TNFRSF6B: variants seen among roughly 807,000 people sequenced by gnomAD.
The protein encoded by TNFRSF6B is TNF receptor superfamily member 6b, also known as tumor necrosis factor receptor superfamily member 6B.
In TNFRSF6B, 23 loss-of-function variants were observed where a neutral mutation model predicts 17.9. That is an observed-to-expected ratio of 1.28 (90% confidence interval 0.92 to 1.82). The LOEUF (loss-of-function observed/expected upper bound fraction) is 1.82. Among genes scored for constraint, TNFRSF6B ranks in the 40% most tolerant of loss-of-function variants. The pLI, the probability that TNFRSF6B is intolerant of heterozygous loss-of-function variation, is 0.00. For synonymous variants in TNFRSF6B, 291 were observed against 195.8 expected (o/e 1.49, Z -4.06); for missense variants, 555 against 437.2 (o/e 1.27, Z -2.40).
Position 63,696,931 on chromosome 20 carries a change from G to T in TNFRSF6B, c.164G>T (p.Gly55Val). ...CTGGTGTGCGCCCAGTGCCCCCCAG[G>T]CACCTTTGTGCAGCGGCCGTGCCGC... ...ERLVCAQCPP[G>V]TFVQRPCRRD... The change falls in exon 1 of 3, where the codon GGC becomes GTC. Residue 55 changes from glycine (G) to valine (V), a missense_variant. Coordinates refer to ENST00000369996, the MANE Select transcript of TNFRSF6B (RefSeq NM_003823.4). 1.2e-6 allele frequency: 2 copies of T among 1,609,892 alleles called. No individual in the cohort carries two copies. The highest frequency in any genetic ancestry group is 2.7e-5 in the African/African-American group (2 of 75,002).
At position 63,698,130 on chromosome 20, in the gene TNFRSF6B, T is replaced by C. The variant is rs573295418; in HGVS notation, c.620-150T>C. Reference sequence around the variant, plus strand: ...CTGCCCCTTCTCCAGTCCCCATCGTTGCACTGCCCTCTCCAGCACGGCTCA... The same window carrying C: ...CTGCCCCTTCTCCAGTCCCCATCGTCGCACTGCCCTCTCCAGCACGGCTCA... On this transcript the variant is annotated intron_variant, in intron 2 of 2. Transcript: ENST00000369996. The C allele has an allele frequency of 9.7e-6, 10 of 1,026,008 alleles. No homozygotes were observed. In the Admixed American group the frequency reaches 2.3e-4, roughly 23 times the overall value. 63.6% of individuals were successfully genotyped at this position (1,026,008 alleles called of 1,614,324 possible).
chr20:63,698,139 C>A, intron 2 of TNFRSF6B, 141 bp from the exon 3 acceptor site: 1 of 1,122,816 alleles, frequency 8.9e-7, no homozygotes, highest in South Asian at 1.7e-5. Flanking sequence ...TTGCACTGCC[C>A]TCTCCAGCAC....
Position 63,696,665 on chromosome 20 carries a change from C to G in TNFRSF6B, c.-103C>G. The G allele has an allele frequency of 7.5e-7, 1 of 1,327,804 alleles. No homozygotes were observed. Among genetic ancestry groups the G allele is most frequent in the Non-Finnish European group, 1.0e-6 (1 of 1,000,972 alleles). 82.3% of individuals were successfully genotyped at this position (1,327,804 alleles called of 1,614,324 possible). A position where few individuals can be genotyped will look rare whatever the true frequency, so the allele number is the denominator to read the frequency against. On this transcript the variant is annotated 5_prime_UTR_variant, in exon 1 of 3. Coordinates refer to ENST00000369996, the MANE Select transcript of TNFRSF6B (RefSeq NM_003823.4). Reference sequence around the variant, plus strand: ...GGATGGGCTTCTGGACTTGGGCGGCCCCTCCGCAGGCGGACCGGGGGCAAA... The same window carrying G: ...GGATGGGCTTCTGGACTTGGGCGGCGCCTCCGCAGGCGGACCGGGGGCAAA...
chr20:63,697,276 CCT>C (rs1392904387), intron 1 of TNFRSF6B, 50 bp from the exon 2 acceptor site: 17 of 1,573,074 alleles, frequency 1.1e-5, no homozygotes, highest in South Asian at 6.9e-5. Flanking sequence ...AGCCTTGCAC[CCT>C]GAGCTAGGAC....
rs2091011287 is a variant in TNFRSF6B at position 63,697,644 on chromosome 20, G to A, written c.619+122G>A. 3.7e-6 allele frequency: 4 copies of A among 1,086,108 alleles called. No individual in the cohort carries two copies. In the South Asian group the frequency reaches 5.2e-5, roughly 14 times the overall value. The allele number at this position is 1,086,108 out of a possible 1,614,324, so 67.3% of individuals were successfully genotyped here. A position where few individuals can be genotyped will look rare whatever the true frequency, so the allele number is the denominator to read the frequency against. On this transcript the variant is annotated intron_variant, in intron 2 of 2. Coordinates refer to ENST00000369996, the MANE Select transcript of TNFRSF6B (RefSeq NM_003823.4). ...GCTGGCTCTGGGAAGGGGCCACAGT[G>A]GATTTGAGGGGTCAGGGGTCCCTCC...
intron 2 of TNFRSF6B, 31 bp downstream of exon 2, chr20:63,697,553 T>A (rs763784693): frequency 6.3e-5 from 95 of 1,515,820 alleles, no homozygotes; most frequent in Middle Eastern, 5.4e-4. Flanking sequence ...GGCAGCACAC[T>A]GCAGGCCAGG....
Position 63,696,699 on chromosome 20 carries a change from C to T in TNFRSF6B, c.-69C>T. On this transcript the variant is annotated 5_prime_UTR_variant, in exon 1 of 3. Coordinates refer to ENST00000369996, the MANE Select transcript of TNFRSF6B (RefSeq NM_003823.4). Reference sequence around the variant, plus strand: ...GGCGGACCGGGGGCAAAGGAGGTGGCATGTCGGTCAGGCACAGCAGGGTCC... The same window carrying T: ...GGCGGACCGGGGGCAAAGGAGGTGGTATGTCGGTCAGGCACAGCAGGGTCC... The T allele has an allele frequency of 7.0e-7, 1 of 1,432,232 alleles. No individual in the cohort carries two copies. The highest frequency in any genetic ancestry group is 9.2e-7 in the Non-Finnish European group (1 of 1,090,294). The allele number at this position is 1,432,232 out of a possible 1,614,324, so 88.7% of individuals were successfully genotyped here.
rs1177125237 is a variant in TNFRSF6B, at chr20:63,696,657, T to G, written c.-111T>G. On this transcript the variant is annotated 5_prime_UTR_variant, in exon 1 of 3. Coordinates refer to ENST00000369996, the MANE Select transcript of TNFRSF6B (RefSeq NM_003823.4). ...CAGCAGCAGGATGGGCTTCTGGACTTGGGCGGCCCCTCCGCAGGCGGACCG... is the reference window on the plus strand; with the variant it reads ...CAGCAGCAGGATGGGCTTCTGGACTGGGGCGGCCCCTCCGCAGGCGGACCG... The G allele has an allele frequency of 1.5e-5, 19 of 1,251,688 alleles. No homozygotes were observed. The East Asian group carries it at 4.4e-4, about 29-fold the overall frequency. The allele number at this position is 1,251,688 out of a possible 1,614,324, so 77.5% of individuals were successfully genotyped here.
rs755722188 is a variant in TNFRSF6B at position 63,697,436 on chromosome 20, G to A, written c.533G>A (p.Gly178Asp). The part of the protein sequence containing the change: ...CQPHRNCTAL[G>D]LALNVPGSSS... ...CCCCACCGCAACTGCACGGCCCTGG[G>A]CCTGGCCCTCAATGTGCCAGGCTCT... Residue 178 changes from glycine (G) to aspartate (D), a missense_variant, in exon 2 of 3, where the codon GGC becomes GAC. Transcript: ENST00000369996. The A allele has an allele frequency of 3.7e-6, 6 of 1,605,252 alleles. No individual in the cohort carries two copies. The highest frequency in any genetic ancestry group is 5.1e-6 in the Non-Finnish European group (6 of 1,176,796).
chr20:63,698,683 A>C lies in TNFRSF6B; in HGVS notation c.*120A>C. The C allele has an allele frequency of 1.6e-6, 2 of 1,239,884 alleles. No individual in the cohort carries two copies. The highest frequency in any genetic ancestry group is 1.1e-6 in the Non-Finnish European group (1 of 950,420). 76.8% of individuals were successfully genotyped at this position (1,239,884 alleles called of 1,614,324 possible). On this transcript the variant is annotated 3_prime_UTR_variant, in exon 3 of 3. Transcript: ENST00000369996. The stretch of plus-strand genomic sequence containing the variant: ...TTATTTTTATAAAGCTTTTTCATAA[A>C]ACTGGTTGTAGTTGCACAGCTACTG...
chr20:63,697,218 C>T, intron 1 of TNFRSF6B, 27 bp downstream of exon 1: 1 of 1,552,108 alleles, frequency 6.4e-7, no homozygotes, highest in Non-Finnish European at 8.7e-7. Context: ...GGGAGGGGCC[C>T]CCAGGAGTGG....
rs774356310 is a variant in TNFRSF6B, at chr20:63,696,741, C to T, written c.-27C>T. On this transcript the variant is annotated 5_prime_UTR_variant, in exon 1 of 3. Transcript: ENST00000369996. ...GCAGGGTCCTGTGTCCGCGCTGAGC[C>T]GCGCTCTCCCTGCTCCAGCAAGGAC... The T allele has an allele frequency of 2.3e-5, 35 of 1,529,670 alleles. No homozygotes were observed. The highest frequency in any genetic ancestry group is 4.7e-5 in the East Asian group (2 of 42,998). 94.8% of individuals were successfully genotyped at this position (1,529,670 alleles called of 1,614,324 possible). A position where few individuals can be genotyped will look rare whatever the true frequency, so the allele number is the denominator to read the frequency against.
chr20:63,698,446 G>A lies in TNFRSF6B; in HGVS notation c.786G>A (p.Thr262=), dbSNP rs751848480. 39 of 1,566,436 alleles carry A rather than the reference G, an allele frequency of 2.5e-5. No individual in the cohort carries two copies. Among genetic ancestry groups the A allele is most frequent in the East Asian group, 1.4e-4 (6 of 42,938 alleles). ...ALQLKLRRRL[T]ELLGAQDGAL... The stretch of plus-strand genomic sequence containing the variant: ...AGCTGAAGCTGCGTCGGCGGCTCAC[G>A]GAGCTCCTGGGGGCGCAGGACGGGG... Residue 262 remains threonine, a synonymous_variant, in exon 3 of 3, where the codon ACG becomes ACA. Coordinates refer to ENST00000369996, the MANE Select transcript of TNFRSF6B (RefSeq NM_003823.4).
chr20:63,697,506 C>T lies in TNFRSF6B; in HGVS notation c.603C>T (p.Leu201=). The T allele has an allele frequency of 1.9e-6, 3 of 1,552,514 alleles. No homozygotes were observed. Among genetic ancestry groups the T allele is most frequent in the East Asian group, 2.4e-5 (1 of 41,226 alleles). ...TLCTSCTGFP[L]STRVPGAEEC... Reference sequence around the variant, plus strand: ...GCACCAGCTGCACTGGCTTCCCCCTCAGCACCAGGGTACCAGGTGAGCCAG... The same window carrying T: ...GCACCAGCTGCACTGGCTTCCCCCTTAGCACCAGGGTACCAGGTGAGCCAG... The change falls in exon 2 of 3, where the codon CTC becomes CTT. Residue 201 remains leucine, a synonymous_variant. Transcript: ENST00000369996.
rs774575588 is a variant in TNFRSF6B, at chr20:63,698,303, GTCA to G, written c.646_648del (p.Ile216del). 3 of 1,610,862 alleles carry G rather than the reference GTCA, an allele frequency of 1.9e-6. No homozygotes were observed. The highest frequency in any genetic ancestry group is 2.5e-6 in the Non-Finnish European group (3 of 1,179,206). ...AGGAGCTGAGGAGTGTGAGCGTGCC[GTCA>G]TCGACTTTGTGGCTTTCCAGGACAT... On this transcript the variant is annotated inframe_deletion, in exon 3 of 3. Coordinates refer to ENST00000369996, the MANE Select transcript of TNFRSF6B (RefSeq NM_003823.4).
intron 1 of TNFRSF6B, 63 bp downstream of exon 1, chr20:63,697,254 G>T: frequency 6.4e-7 from 1 of 1,550,796 alleles, no homozygotes; most frequent in African/African-American, 1.4e-5. Flanking sequence ...CAGGGGTCAG[G>T]TTGCTGGTCC....
rs760554622 is a variant in TNFRSF6B, at chr20:63,696,817, C to T, written c.50C>T (p.Ala17Val). ...PGLSLLCLVLALPALLPVPAV... is the reference protein window; with the variant it reads ...PGLSLLCLVLVLPALLPVPAV... Reference sequence around the variant, plus strand: ...CTGTCGCTGCTGTGCCTGGTGTTGGCGCTGCCTGCCCTGCTGCCGGTGCCG... The same window carrying T: ...CTGTCGCTGCTGTGCCTGGTGTTGGTGCTGCCTGCCCTGCTGCCGGTGCCG... The change falls in exon 1 of 3, where the codon GCG (alanine) becomes GTG (valine). Residue 17 changes from alanine to valine, a missense_variant. Ala to Val is a moderately conservative substitution (Grantham distance 64, BLOSUM62 0). Transcript: ENST00000369996. 43 of 1,608,592 alleles carry T rather than the reference C, an allele frequency of 2.7e-5. No homozygotes were observed. The highest frequency in any genetic ancestry group is 6.7e-5 in the Admixed American group (4 of 59,686).
rs780272290 is a variant in TNFRSF6B, at chr20:63,698,410, C to T, written c.750C>T (p.Arg250=). ...EGWGPTPRAG[R]AALQLKLRRR... ...GGGGTCCGACACCAAGGGCGGGCCG[C>T]GCGGCCTTGCAGCTGAAGCTGCGTC... Residue 250 remains arginine (R), a synonymous_variant, in exon 3 of 3, where the codon CGC becomes CGT. Coordinates refer to ENST00000369996, the MANE Select transcript of TNFRSF6B (RefSeq NM_003823.4). The T allele has an allele frequency of 3.3e-5, 53 of 1,593,430 alleles. No individual in the cohort carries two copies. The highest frequency in any genetic ancestry group is 1.6e-4 in the East Asian group (7 of 44,000).
chr20:63,698,440 G>A lies in TNFRSF6B; in HGVS notation c.780G>A (p.Arg260=), dbSNP rs1431287989. ...CCTTGCAGCTGAAGCTGCGTCGGCG[G>A]CTCACGGAGCTCCTGGGGGCGCAGG... ...RAALQLKLRR[R]LTELLGAQDG... Residue 260 remains arginine (R), a synonymous_variant, in exon 3 of 3, where the codon CGG becomes CGA. Transcript: ENST00000369996. 2 of 1,568,666 alleles carry A rather than the reference G, an allele frequency of 1.3e-6. No individual in the cohort carries two copies. The highest frequency in any genetic ancestry group is 1.7e-6 in the Non-Finnish European group (2 of 1,161,738).
Sources: allele counts gnomAD v4.1 joint callset, GRCh38; gene constraint gnomAD v4.1.1; transcripts MANE v1.5; gene names NCBI Gene and HGNC (gene_info 2026-07-23, HGNC 2026-07-21).